The following NRG1 variants were observed in gnomAD, a reference collection of about 807,000 sequenced individuals.
NRG1 encodes the protein pro-neuregulin-1, membrane-bound isoform.
NRG1 carries 18 observed loss-of-function variants against 63.8 expected under a neutral mutation model. That is an observed-to-expected ratio of 0.28 (90% CI 0.19 to 0.42). The LOEUF is 0.42. Ranked by LOEUF, NRG1 falls within the 10% of genes least tolerant of loss-of-function variation. The pLI is 1.00. For missense variants in NRG1, 762 were observed against 814.7 expected (o/e 0.94, Z 0.79); for synonymous variants, 302 against 301.3 (o/e 1.00, Z -0.02).
chr8:32,060,292 T>C (rs1374358937), intron 1 of NRG1, among the ~76,000 whole-genome samples: 1 of 151,836 alleles, frequency 6.6e-6, no homozygotes, highest in East Asian at 1.9e-4. Context: ...TTTTATCTAA[T>C]AGAACTATTT....
At chr8:31,715,849 G>T (rs969401478) in intron 1 of NRG1, among the ~76,000 whole-genome samples, 1 of 152,230 alleles carries the variant, frequency 6.6e-6, no homozygotes, top group Admixed American at 6.5e-5. Context: ...CAGTCTTCTA[G>T]GTATCAAAGG....
intron 1 of NRG1, among the ~76,000 whole-genome samples, chr8:31,976,662 GGTGTGTGTGTGT>G (rs55763806): frequency 1.4e-3 from 216 of 150,584 alleles, no homozygotes; most frequent in Non-Finnish European, 2.1e-3. Context: ...ATCTGCCATG[GGTGTGTGTGTGT>G]GTGTGTGTGT....
intron 1 of NRG1, among the ~76,000 whole-genome samples, chr8:32,565,337 G>A (rs1335535818): frequency 6.6e-6 from 1 of 152,094 alleles, no homozygotes; most frequent in Non-Finnish European, 1.5e-5. Flanking sequence ...TTTCTAGGCT[G>A]CTCTCAAACT....
chr8:31,995,166 CT>C (rs34313504), intron 1 of NRG1, among the ~76,000 whole-genome samples: 1 of 151,850 alleles, frequency 6.6e-6, no homozygotes, highest in Non-Finnish European at 1.5e-5. Context: ...TTGTCCTCAG[CT>C]TTTTTATAGA....
At chr8:31,997,437 G>C (rs971731992) in intron 1 of NRG1, among the ~76,000 whole-genome samples, 1 of 151,936 alleles carries the variant, frequency 6.6e-6, no homozygotes, top group East Asian at 1.9e-4. Flanking sequence ...CTGTGCTTTT[G>C]ATGGTGAAAT....
intron 1 of NRG1, among the ~76,000 whole-genome samples, chr8:31,871,012 T>A (rs1563509227): frequency 1.3e-5 from 2 of 151,940 alleles, no homozygotes; most frequent in Admixed American, 1.3e-4. Context: ...TTTCCTTTTT[T>A]TTTTTTTTGA....
intron 1 of NRG1, among the ~76,000 whole-genome samples, chr8:32,287,894 G>A (rs908620378): frequency 6.6e-6 from 1 of 152,146 alleles, no homozygotes; most frequent in African/African-American, 2.4e-5. Flanking sequence ...CACTGATCAT[G>A]TCTAAAAGCT....
chr8:32,578,070 C>T (rs541457331), intron 1 of NRG1, among the ~76,000 whole-genome samples: 20 of 152,240 alleles, frequency 1.3e-4, no homozygotes, highest in African/African-American at 4.3e-4. Flanking sequence ...TCTGAGCTCA[C>T]GGCAACCTCT....
At chr8:32,594,826 CT>C (rs1441592657) in intron 1 of NRG1, among the ~76,000 whole-genome samples, 1 of 152,144 alleles carries the variant, frequency 6.6e-6, no homozygotes, top group Non-Finnish European at 1.5e-5. Context: ...TAGTGGTCAT[CT>C]GGAATGGTCC....
chr8:32,211,453 TC>T (rs898503558), intron 1 of NRG1, among the ~76,000 whole-genome samples: 11 of 152,166 alleles, frequency 7.2e-5, no homozygotes, highest in African/African-American at 2.7e-4. Flanking sequence ...GCCAGGGGCA[TC>T]CTCATTTTAA....
rs1827058964 is a variant in NRG1 at position 32,079,167 on chromosome 8, A to ACACACG, written c.37+439741_37+439742insGCACAC. Reference sequence around the variant, plus strand: ...ATGAAATACACACACACACACACACACACACACACACACATACACGCACAT... The same window carrying ACACACG: ...ATGAAATACACACACACACACACACACACACGCACACACACACACATACACGCACAT... On this transcript the variant is annotated intron_variant, in intron 1 of 10. Transcript: ENST00000519301. Among the ~76,000 whole-genome samples the ACACACG allele has an allele frequency of 2.6e-5, 4 of 151,780 alleles. No homozygotes were observed. The East Asian group carries it at 7.8e-4, about 29-fold the overall frequency.
intron 1 of NRG1, among the ~76,000 whole-genome samples, chr8:31,660,877 T>C (rs1805924045): frequency 6.6e-6 from 1 of 152,194 alleles, no homozygotes; most frequent in Admixed American, 6.5e-5. Context: ...TGGCCATCAT[T>C]TATTCTTTTA....
intron 1 of NRG1, among the ~76,000 whole-genome samples, chr8:32,196,943 CTTTTTTTTTTTTTTTTTTTT>C (rs773398472): frequency 3.3e-4 from 9 of 27,444 alleles, no homozygotes; most frequent in South Asian, 2.7e-3. Context: ...TCAGAACATT[CTTTTTTTTTTTTTTTTTTTT>C]TTTTTTTTTT....
At chr8:32,127,562 G>C (rs1201120460) in intron 1 of NRG1, among the ~76,000 whole-genome samples, 1 of 98,156 alleles carries the variant, frequency 1.0e-5, no homozygotes, top group Non-Finnish European at 2.3e-5. Flanking sequence ...TGTGTGTTTA[G>C]AAATTCAAAA....
chr8:31,940,434 C>T (rs327350), intron 1 of NRG1, among the ~76,000 whole-genome samples: 128,104 of 151,882 alleles, frequency 0.84, 54,808 homozygotes, highest in Non-Finnish European at 0.91. Context: ...GCATTAAATG[C>T]TTACATCAAA....
intron 1 of NRG1, among the ~76,000 whole-genome samples, chr8:31,798,673 T>C (rs955004404): frequency 2.0e-5 from 3 of 152,202 alleles, no homozygotes; most frequent in African/African-American, 2.4e-5. Context: ...ATGTACATAA[T>C]AAGATGTAAT....
At chr8:32,256,725 CT>C (rs1849765709) in intron 1 of NRG1, 1 of 152,496 alleles carries the variant, frequency 6.6e-6, no homozygotes, top group African/African-American at 2.4e-5. Flanking sequence ...CTGTCAACCC[CT>C]GCTGGGAGGT....
intron 1 of NRG1, among the ~76,000 whole-genome samples, chr8:32,495,835 AC>A (rs974124080): frequency 2.0e-5 from 3 of 152,206 alleles, no homozygotes; most frequent in African/African-American, 7.2e-5. Flanking sequence ...ACAAACTAAT[AC>A]ATCAGAAGTT....
intron 1 of NRG1, among the ~76,000 whole-genome samples, chr8:31,851,476 C>A (rs560480465): frequency 6.6e-6 from 1 of 151,876 alleles, no homozygotes; most frequent in Non-Finnish European, 1.5e-5. Context: ...TTAGAAGTGT[C>A]GATTTTAAAA....
Sources: allele counts gnomAD v4.1 joint callset (sites outside exome capture counted in the v4.1 genomes callset), GRCh38; gene constraint gnomAD v4.1.1; transcripts MANE v1.5; gene names NCBI Gene and HGNC (gene_info 2026-07-23, HGNC 2026-07-21).